The following KIAA0319 variants were observed in gnomAD, a reference collection of about 807,000 sequenced individuals.
KIAA0319 encodes KIAA0319.
Under a neutral mutation model 108.4 loss-of-function variants are expected in KIAA0319, and 83 were observed. That is an observed-to-expected ratio of 0.77 (90% CI 0.64 to 0.92). The LOEUF (loss-of-function observed/expected upper bound fraction) is 0.92. Among genes scored for constraint, KIAA0319 ranks in the 40% least tolerant of loss-of-function variants. The pLI is 0.00. For synonymous variants in KIAA0319, 484 were observed against 510.4 expected (o/e 0.95, Z 0.70); for missense variants, 1,195 against 1,322.4 (o/e 0.90, Z 1.49).
chr6:24,576,417 T>C lies in KIAA0319; in HGVS notation c.1685A>G (p.Tyr562Cys). 2 of 1,614,174 alleles carry C rather than the reference T, an allele frequency of 1.2e-6. No homozygotes were observed. The highest frequency in any genetic ancestry group is 1.7e-5 in the Admixed American group (1 of 60,014). The change falls in exon 10 of 21, where the codon TAT becomes TGT. Residue 562 changes from tyrosine (Y) to cysteine (C), a missense_variant. Physicochemically the swap from Tyr to Cys is radical, Grantham distance 194 (BLOSUM62 -2). Coordinates refer to ENST00000378214, the MANE Select transcript of KIAA0319 (RefSeq NM_014809.4). ...ACTCCCAGGACCCAGGGACCACTCA[T>C]AGAGGACAATCTGGTGATCGTCACT... ...QSSDDHQIVL[Y>C]EWSLGPGSEG...
chr6:24,644,449 AG>A (rs1474875993), intron 1 of KIAA0319, among the ~76,000 whole-genome samples: 2 of 152,230 alleles, frequency 1.3e-5, no homozygotes, highest in Non-Finnish European at 2.9e-5. Flanking sequence ...AATATGCTGT[AG>A]GAACTTAACT....
At chr6:24,586,909 C>T (rs1027330124) in intron 4 of KIAA0319, among the ~76,000 whole-genome samples, 3 of 152,130 alleles carry the variant, frequency 2.0e-5, no homozygotes, top group Admixed American at 1.3e-4. Context: ...TCCTTCTGCA[C>T]TTCCAGCTCC....
rs556784638 is a variant in KIAA0319, at chr6:24,576,515, T to G, written c.1587A>C (p.Pro529=). The G allele has an allele frequency of 2.7e-5, 44 of 1,614,068 alleles. No individual in the cohort carries two copies. The highest frequency in any genetic ancestry group is 3.7e-5 in the Non-Finnish European group (44 of 1,180,024). ...LIVNNAVDYP[P]VANAGPNHTI... The stretch of plus-strand genomic sequence containing the variant: ...TGTGATTTGGTCCTGCATTAGCAAC[T>G]GGTGGGTAGTCCACAGCATTGTTCA... The change falls in exon 10 of 21, where the codon CCA becomes CCC. Residue 529 remains proline (P), a synonymous_variant. Coordinates refer to ENST00000378214, the MANE Select transcript of KIAA0319 (RefSeq NM_014809.4).
intron 13 of KIAA0319, among the ~76,000 whole-genome samples, chr6:24,568,107 T>C (rs1000056499): frequency 2.0e-5 from 3 of 152,326 alleles, no homozygotes; most frequent in South Asian, 4.1e-4. Context: ...CAACCCTCCA[T>C]GGCAGAGCCT....
At chr6:24,577,982 C>G in intron 9 of KIAA0319, 128 bp downstream of exon 9, 1 of 908,432 alleles carries the variant, frequency 1.1e-6, no homozygotes, top group Non-Finnish European at 1.6e-6. Context: ...GGCATGCAAC[C>G]AAAACCCCCA....
At chr6:24,563,587 G>A in intron 15 of KIAA0319, 69 bp from the exon 16 acceptor site, 1 of 1,423,202 alleles carries the variant, frequency 7.0e-7, no homozygotes, top group Admixed American at 2.3e-5. Flanking sequence ...AAGGAGCGAG[G>A]TTTCTATAGG....
At chr6:24,567,049 T>C (rs1010619320) in intron 13 of KIAA0319, among the ~76,000 whole-genome samples, 3 of 152,172 alleles carry the variant, frequency 2.0e-5, no homozygotes, top group African/African-American at 7.2e-5. Flanking sequence ...GAAACAATGA[T>C]TTTACCAACA....
chr6:24,596,204 G>A lies in KIAA0319; in HGVS notation c.470C>T (p.Ser157Leu). 1 of 1,614,154 alleles carries A rather than the reference G, an allele frequency of 6.2e-7. No homozygotes were observed. Among genetic ancestry groups the A allele is most frequent in the Non-Finnish European group, 8.5e-7 (1 of 1,180,038 alleles). Residue 157 changes from serine (S) to leucine (L), a missense_variant, in exon 3 of 21, where the codon TCA becomes TTA. Physicochemically the swap from Ser to Leu is moderately radical, Grantham distance 145. Coordinates refer to ENST00000378214, the MANE Select transcript of KIAA0319 (RefSeq NM_014809.4). ...DWGLEEMSEY[S>L]DDYRELEKDL... ...CTTCTCCAGCTCCCGGTAGTCATCTGAGTACTCAGACATCTCCTCTAGGCC... is the reference window on the plus strand; with the variant it reads ...CTTCTCCAGCTCCCGGTAGTCATCTAAGTACTCAGACATCTCCTCTAGGCC...
intron 1 of KIAA0319, among the ~76,000 whole-genome samples, chr6:24,621,494 T>C (rs947176203): frequency 6.6e-6 from 1 of 152,096 alleles, no homozygotes; most frequent in African/African-American, 2.4e-5. Flanking sequence ...TTAATCTATC[T>C]GGGAGGAAAT....
intron 5 of KIAA0319, chr6:24,583,162 T>G (rs767808784): frequency 2.0e-4 from 200 of 986,784 alleles, no homozygotes; most frequent in Non-Finnish European, 2.3e-4. Flanking sequence ...GAATAAATTT[T>G]TTTGAGCAGC....
intron 1 of KIAA0319, among the ~76,000 whole-genome samples, chr6:24,621,348 G>C (rs1047150973): frequency 1.3e-5 from 2 of 152,168 alleles, no homozygotes; most frequent in Admixed American, 6.5e-5. Context: ...GCAGGGTGTT[G>C]CAGCAACAGA....
At chr6:24,553,689 C>T (rs1202345014) in intron 19 of KIAA0319, among the ~76,000 whole-genome samples, 1 of 152,180 alleles carries the variant, frequency 6.6e-6, no homozygotes, top group Non-Finnish European at 1.5e-5. Context: ...CTGGGCTTCC[C>T]CACTCAGCCT....
rs1016588524 is a variant in KIAA0319, at chr6:24,578,098, G to C, written c.1505+12C>G. 6 of 1,604,520 alleles carry C rather than the reference G, an allele frequency of 3.7e-6. No individual in the cohort carries two copies. The African/African-American group carries it at 6.7e-5, about 18-fold the overall frequency. ...GTAGCAGGCAGCACAATAAAGGCAG[G>C]GACCCACTTGCCTGAAACTATAGTT... On this transcript the variant is annotated intron_variant, in intron 9 of 20. Transcript: ENST00000378214.
intron 3 of KIAA0319, among the ~76,000 whole-genome samples, chr6:24,592,350 T>C (rs1019782564): frequency 2.0e-5 from 3 of 152,240 alleles, no homozygotes; most frequent in Non-Finnish European, 2.9e-5. Flanking sequence ...TTTACATATT[T>C]TTTTGGTGAG....
chr6:24,574,502 T>A (rs762543889), intron 10 of KIAA0319, among the ~76,000 whole-genome samples: 3 of 152,328 alleles, frequency 2.0e-5, no homozygotes, highest in East Asian at 3.9e-4. Context: ...AAGTCATTTT[T>A]TCAACTGAGT....
chr6:24,540,349 G>A (rs1239754399), downstream of KIAA0319, among the ~76,000 whole-genome samples: 1 of 152,076 alleles, frequency 6.6e-6, no homozygotes, highest in Non-Finnish European at 1.5e-5. Context: ...TGATGGCTAC[G>A]ACATCACTAG....
At chr6:24,593,035 T>C (rs760467022) in intron 3 of KIAA0319, among the ~76,000 whole-genome samples, 3 of 152,196 alleles carry the variant, frequency 2.0e-5, no homozygotes, top group Non-Finnish European at 4.4e-5. Flanking sequence ...CCTCTCCAGG[T>C]TATCTGCCTC....
chr6:24,560,138 C>G (rs1457710668), intron 16 of KIAA0319, among the ~76,000 whole-genome samples: 1 of 152,182 alleles, frequency 6.6e-6, no homozygotes, highest in African/African-American at 2.4e-5. Context: ...CACATTTTGG[C>G]TATTATGAAT....
chr6:24,622,356 C>T (rs1774090832), intron 1 of KIAA0319, among the ~76,000 whole-genome samples: 1 of 145,364 alleles, frequency 6.9e-6, no homozygotes, highest in South Asian at 2.2e-4. Flanking sequence ...AAAAGAAAGG[C>T]TATGATAAAC....
Sources: allele counts gnomAD v4.1 joint callset (sites outside exome capture counted in the v4.1 genomes callset), GRCh38; gene constraint gnomAD v4.1.1; transcripts MANE v1.5; gene names NCBI Gene and HGNC (gene_info 2026-07-23, HGNC 2026-07-21).